JADE1: variants seen among roughly 807,000 people sequenced by gnomAD.
JADE1 encodes jade family PHD finger 1.
A neutral mutation model predicts 81.8 loss-of-function variants in JADE1; 14 were observed. That is an observed-to-expected ratio of 0.17 (90% confidence interval 0.11 to 0.27). The LOEUF is 0.27. Among genes scored for constraint, JADE1 ranks in the 10% least tolerant of loss-of-function variants. JADE1 has a pLI of 1.00. For synonymous variants in JADE1, 353 were observed against 391.9 expected (o/e 0.90, Z 1.17); for missense variants, 690 against 1,047.9 (o/e 0.66, Z 4.71).
rs1419150210 is a variant in JADE1, at chr4:128,830,836, G to C, written c.-26-897G>C. Among the ~76,000 whole-genome samples the C allele has an allele frequency of 2.0e-5, 3 of 152,226 alleles. No homozygotes were observed. In the East Asian group the frequency reaches 5.8e-4, roughly 29 times the overall value. On this transcript the variant is annotated intron_variant, in intron 1 of 10. Coordinates refer to ENST00000226319, the MANE Select transcript of JADE1 (RefSeq NM_199320.4). ...GTTCATTACTGGCCATTCCGTCTCA[G>C]TTCACTGCCTTCTTACCTAAATGCA...
chr4:128,817,816 T>A (rs934296602), intron 1 of JADE1, among the ~76,000 whole-genome samples: 12 of 152,328 alleles, frequency 7.9e-5, no homozygotes, highest in Non-Finnish European at 1.5e-4. Flanking sequence ...ATCCTTGGAT[T>A]CTAGTTTAAG....
chr4:128,817,492 TTTTG>T (rs973498910), intron 1 of JADE1, among the ~76,000 whole-genome samples: 9 of 152,324 alleles, frequency 5.9e-5, no homozygotes, highest in East Asian at 1.9e-4. Flanking sequence ...AAAATAATCT[TTTTG>T]TTTGTTTGTT....
chr4:128,817,723 T>C (rs975307741), intron 1 of JADE1, among the ~76,000 whole-genome samples: 3 of 152,232 alleles, frequency 2.0e-5, no homozygotes, highest in Non-Finnish European at 4.4e-5. Context: ...GTGTTGGTGG[T>C]TGTAACTTTT....
intron 8 of JADE1, among the ~76,000 whole-genome samples, chr4:128,858,894 C>T (rs1267720288): frequency 6.6e-6 from 1 of 152,154 alleles, no homozygotes; most frequent in Non-Finnish European, 1.5e-5. Context: ...AGGCTTGAGC[C>T]ACCGCGCCTG....
chr4:128,862,451 T>C (rs562807689), intron 9 of JADE1: 1 of 1,365,256 alleles, frequency 7.3e-7, no homozygotes, highest in African/African-American at 1.5e-5. Context: ...TTTTTTTTTT[T>C]AAAAACACTT....
In JADE1 at chr4:128,824,861, A is replaced by T. The variant is rs535937954; in HGVS notation, c.-26-6872A>T. Among the ~76,000 whole-genome samples, 6 of 152,262 alleles carry T rather than the reference A, an allele frequency of 3.9e-5. No individual in the cohort carries two copies. The South Asian group carries it at 1.2e-3, about 32-fold the overall frequency. On this transcript the variant is annotated intron_variant, in intron 1 of 10. Transcript: ENST00000226319. ...TTTCTGCATATGAGCCATAAGACAAAATCACTAGGTTGTAATCCTTATTAT... is the reference window on the plus strand; with the variant it reads ...TTTCTGCATATGAGCCATAAGACAATATCACTAGGTTGTAATCCTTATTAT...
At chr4:128,863,103 C>T (rs1731496605) in intron 9 of JADE1, 1 of 985,588 alleles carries the variant, frequency 1.0e-6, no homozygotes, top group Admixed American at 6.1e-5. Flanking sequence ...CAGCTGCTGG[C>T]ATTTCCTTCT....
At chr4:128,866,205 A>G (rs1178480505) in intron 9 of JADE1, among the ~76,000 whole-genome samples, 2 of 152,246 alleles carry the variant, frequency 1.3e-5, no homozygotes, top group Non-Finnish European at 2.9e-5. Flanking sequence ...AAACTACCTT[A>G]ACTAGGCTGA....
At chr4:128,845,079 C>T (rs1729755474) in intron 3 of JADE1, among the ~76,000 whole-genome samples, 1 of 152,216 alleles carries the variant, frequency 6.6e-6, no homozygotes. Context: ...CCAAACACAA[C>T]TTTGGGCTGG....
intron 1 of JADE1, among the ~76,000 whole-genome samples, chr4:128,815,343 G>A (rs1407942976): frequency 6.6e-6 from 1 of 151,752 alleles, no homozygotes; most frequent in Admixed American, 6.6e-5. Flanking sequence ...CTCGTGATCC[G>A]CCCGCCTCAG....
chr4:128,858,829 C>T (rs868193880), intron 8 of JADE1, among the ~76,000 whole-genome samples: 31 of 152,110 alleles, frequency 2.0e-4, no homozygotes, highest in Admixed American at 5.9e-4. Flanking sequence ...AGGCTGGTCT[C>T]GAACTCCTGA....
Position 128,857,325 on chromosome 4 carries a change from T to C in JADE1, c.865-13T>C, listed in dbSNP as rs751209717. 6.2e-7 allele frequency: 1 copy of C among 1,610,248 alleles called. No individual in the cohort carries two copies. Among genetic ancestry groups the C allele is most frequent in the Admixed American group, 1.7e-5 (1 of 59,938 alleles). On this transcript the variant is annotated splice_polypyrimidine_tract_variant and intron_variant, in intron 7 of 10. Transcript: ENST00000226319. ...ACCTGAGCCACCCTGTCTTGCTGTTTTCCGACCTTTAGGTGAGCATTGGCA... is the reference window on the plus strand; with the variant it reads ...ACCTGAGCCACCCTGTCTTGCTGTTCTCCGACCTTTAGGTGAGCATTGGCA...
chr4:128,847,470 T>C (rs567357196), intron 4 of JADE1, among the ~76,000 whole-genome samples: 2 of 152,272 alleles, frequency 1.3e-5, no homozygotes, highest in Admixed American at 1.3e-4. Flanking sequence ...AGGTGACCAG[T>C]CAGGAGTGCC....
intron 4 of JADE1, among the ~76,000 whole-genome samples, chr4:128,848,511 CTT>C (rs543665126): frequency 2.0e-5 from 3 of 151,558 alleles, no homozygotes. Flanking sequence ...CTCTCTCCCT[CTT>C]TTTTTTTGTG....
chr4:128,850,612 A>G (rs1402338073), intron 5 of JADE1, among the ~76,000 whole-genome samples: 1 of 152,192 alleles, frequency 6.6e-6, no homozygotes, highest in Non-Finnish European at 1.5e-5. Context: ...AGGTGGTTTT[A>G]TGGCATGAGT....
At chr4:128,869,706 T>G (rs1732047986) in intron 10 of JADE1, among the ~76,000 whole-genome samples, 1 of 152,202 alleles carries the variant, frequency 6.6e-6, no homozygotes, top group Non-Finnish European at 1.5e-5. Context: ...TAGATCTGCA[T>G]TCAGAAGTCC....
intron 8 of JADE1, among the ~76,000 whole-genome samples, chr4:128,860,633 A>G (rs1471145967): frequency 1.3e-5 from 2 of 152,206 alleles, no homozygotes; most frequent in Non-Finnish European, 2.9e-5. Flanking sequence ...ACCATGAGGA[A>G]CCACCTTCTA....
chr4:128,864,500 T>C (rs1731636238), intron 9 of JADE1: 3 of 985,428 alleles, frequency 3.0e-6, no homozygotes, highest in African/African-American at 1.7e-5. Context: ...AAATTTGCCA[T>C]GATGCCTGTG....
rs768314124 is a variant in JADE1 at position 128,846,509 on chromosome 4, G to A, written c.273G>A (p.Gly91=). The change falls in exon 4 of 11, where the codon GGG becomes GGA. Residue 91 remains glycine, a synonymous_variant. Coordinates refer to ENST00000226319, the MANE Select transcript of JADE1 (RefSeq NM_199320.4). This position sits in a 1 kb window ranked among gnomAD's most constrained non-coding sequence, Gnocchi z 4.0. ...GGGTCCAGGTGCCTGTGAGCCCGGG[G>A]ACCATCCCTCAGCCTGTGGCCAGGT... ...EKGVQVPVSP[G]TIPQPVARVV... 2 of 1,614,120 alleles carry A rather than the reference G, an allele frequency of 1.2e-6. No individual in the cohort carries two copies. The highest frequency in any genetic ancestry group is 1.3e-5 in the African/African-American group (1 of 75,032).
Sources: allele counts gnomAD v4.1 joint callset (sites outside exome capture counted in the v4.1 genomes callset), GRCh38; gene constraint gnomAD v4.1.1; non-coding constraint Gnocchi (gnomAD v3.1); transcripts MANE v1.5; gene names NCBI Gene and HGNC (gene_info 2026-07-23, HGNC 2026-07-21).